Variants in HIRA observed in about 807,000 individuals in gnomAD.
HIRA encodes the protein protein HIRA.
Under a neutral mutation model 126.6 loss-of-function variants are expected in HIRA, and 13 were observed. The observed-to-expected ratio is 0.10, with a 90% CI of 0.07 to 0.16. HIRA has a LOEUF of 0.16. Among genes scored for constraint, HIRA ranks in the 10% least tolerant of loss-of-function variants. The pLI, the probability that HIRA is intolerant of heterozygous loss-of-function variation, is 1.00. For synonymous variants in HIRA, 511 were observed against 520.0 expected (o/e 0.98, Z 0.24); for missense variants, 834 against 1,314.4 (o/e 0.63, Z 5.65).
chr22:19,407,116 T>A, intron 4 of HIRA, 68 bp downstream of exon 4: 1 of 1,285,390 alleles, frequency 7.8e-7, no homozygotes, highest in Non-Finnish European at 1.1e-6. Flanking sequence ...TAGGGAAAGG[T>A]GACTTTGATA....
intron 1 of HIRA, among the ~76,000 whole-genome samples, chr22:19,412,778 C>T (rs2089364486): frequency 6.6e-6 from 1 of 152,190 alleles, no homozygotes. Flanking sequence ...CGCTTTAGAT[C>T]ATGCCCACTC....
chr22:19,349,775 C>T (rs150470451), intron 24 of HIRA, among the ~76,000 whole-genome samples: 1 of 152,322 alleles, frequency 6.6e-6, no homozygotes, highest in Non-Finnish European at 1.5e-5. Flanking sequence ...ACACCAAGGC[C>T]TGTGAGGGCT....
At chr22:19,364,839 A>G (rs1053989044) in intron 15 of HIRA, among the ~76,000 whole-genome samples, 1 of 152,224 alleles carries the variant, frequency 6.6e-6, no homozygotes, top group Admixed American at 6.5e-5. Flanking sequence ...AGGAAGGCAC[A>G]TTGAAAGCTG....
chr22:19,348,888 C>A (rs540487578), intron 24 of HIRA, among the ~76,000 whole-genome samples: 1 of 150,030 alleles, frequency 6.7e-6, no homozygotes, highest in South Asian at 2.1e-4. Flanking sequence ...TAGGTTCAAG[C>A]GATTCTCCTG....
chr22:19,353,305 A>T lies in HIRA; in HGVS notation c.2848+51T>A, dbSNP rs1556011402. The stretch of plus-strand genomic sequence containing the variant: ...TCACAGGGACTAAGTGAGGCCTGGG[A>T]GGATGGAGGGGCAGAAGGAGAAGGC... On this transcript the variant is annotated intron_variant, in intron 23 of 24. Coordinates refer to ENST00000263208, the MANE Select transcript of HIRA (RefSeq NM_003325.4). The T allele has an allele frequency of 1.9e-6, 3 of 1,603,320 alleles. No individual in the cohort carries two copies. In the African/African-American group the frequency reaches 4.0e-5, roughly 21 times the overall value.
chr22:19,387,618 T>C, intron 11 of HIRA, 93 bp downstream of exon 11: 1 of 796,140 alleles, frequency 1.3e-6, no homozygotes, highest in Non-Finnish European at 2.1e-6. Context: ...TGTCTGTGTA[T>C]CTCACAAGAA....
chr22:19,347,428 C>G (rs2088699254), intron 24 of HIRA, among the ~76,000 whole-genome samples: 1 of 152,144 alleles, frequency 6.6e-6, no homozygotes, highest in South Asian at 2.1e-4. Flanking sequence ...ATATCACAAG[C>G]CTTTCCTTCC....
intron 24 of HIRA, among the ~76,000 whole-genome samples, chr22:19,342,330 G>C (rs2088639322): frequency 6.6e-6 from 1 of 152,146 alleles, no homozygotes; most frequent in African/African-American, 2.4e-5. Context: ...TGGTGAAAAG[G>C]GAACACTTTT....
chr22:19,387,940 TTCTGTGGCCTGGTTCCC>T, intron 10 of HIRA, 124 bp from the exon 11 acceptor site: 4 of 135,378 alleles, frequency 3.0e-5, no homozygotes, highest in South Asian at 2.3e-4. Flanking sequence ...CCTGGTTCCC[TTCTGTGGCCTGGTTCCC>T]TTCTTTGGCC....
chr22:19,388,337 G>A (rs2089146441), intron 10 of HIRA, 147 bp downstream of exon 10: 5 of 611,286 alleles, frequency 8.2e-6, no homozygotes, highest in South Asian at 4.1e-5. Context: ...CCCAAATCAC[G>A]TGCAAACAGC....
chr22:19,383,566 A>G, intron 13 of HIRA, 54 bp downstream of exon 13: 1 of 1,409,714 alleles, frequency 7.1e-7, no homozygotes, highest in East Asian at 2.3e-5. Context: ...AACCGCTGAA[A>G]GAAGACAGGA....
chr22:19,425,463 C>T (rs1362976846), intron 1 of HIRA, among the ~76,000 whole-genome samples: 1 of 152,156 alleles, frequency 6.6e-6, no homozygotes. Context: ...CATCCTCTTC[C>T]TGGTCACCGA....
At chr22:19,412,438 G>C (rs2089361507) in intron 1 of HIRA, among the ~76,000 whole-genome samples, 1 of 152,116 alleles carries the variant, frequency 6.6e-6, no homozygotes, top group African/African-American at 2.4e-5. Context: ...CAAATTTAGG[G>C]GTTTGTCATA....
chr22:19,407,811 A>G (rs1275428245), intron 3 of HIRA, among the ~76,000 whole-genome samples: 1 of 152,216 alleles, frequency 6.6e-6, no homozygotes, highest in Non-Finnish European at 1.5e-5. Context: ...CTTATAAGCT[A>G]AGATCAGCAG....
chr22:19,348,212 A>G (rs2088709841), intron 24 of HIRA, among the ~76,000 whole-genome samples: 1 of 152,248 alleles, frequency 6.6e-6, no homozygotes, highest in African/African-American at 2.4e-5. Flanking sequence ...AGTGTTCTGT[A>G]GAAGAAGATA....
At chr22:19,369,908 G>A (rs1020320214) in intron 15 of HIRA, among the ~76,000 whole-genome samples, 2 of 152,256 alleles carry the variant, frequency 1.3e-5, no homozygotes, top group African/African-American at 2.4e-5. Context: ...CAGCCTGGGC[G>A]ACACAGCGAG....
In HIRA at chr22:19,431,700, T is replaced by C. The variant is rs994064176; in HGVS notation, c.-224A>G. 145 of 368,140 alleles carry C rather than the reference T, an allele frequency of 3.9e-4. No individual in the cohort carries two copies. The highest frequency in any genetic ancestry group is 6.1e-4 in the Non-Finnish European group (134 of 221,468). The allele number at this position is 368,140 out of a possible 1,614,324, so 22.8% of individuals were successfully genotyped here. A position where few individuals can be genotyped will look rare whatever the true frequency, so the allele number is the denominator to read the frequency against. On this transcript the variant is annotated 5_prime_UTR_variant, in exon 1 of 25. Transcript: ENST00000263208. ...CCGCCGCCACCACAGCCGCATCCCCTGCGCCGCTCCTCCTCAGGCGGCTCC... is the reference window on the plus strand; with the variant it reads ...CCGCCGCCACCACAGCCGCATCCCCCGCGCCGCTCCTCCTCAGGCGGCTCC...
intron 11 of HIRA, among the ~76,000 whole-genome samples, chr22:19,386,565 G>A (rs907929551): frequency 1.3e-5 from 2 of 152,220 alleles, no homozygotes; most frequent in Admixed American, 6.5e-5. Context: ...CTTGAATGTG[G>A]CCAGGAACCT....
At chr22:19,382,341 C>T (rs2089081501) in intron 13 of HIRA, among the ~76,000 whole-genome samples, 1 of 152,184 alleles carries the variant, frequency 6.6e-6, no homozygotes, top group African/African-American at 2.4e-5. Flanking sequence ...CTCCCCATCC[C>T]ACAGGCCCAG....
Sources: gnomAD v4.1 joint callset for allele counts (sites outside exome capture counted in the v4.1 genomes callset) on GRCh38, gnomAD v4.1.1 for gene constraint, MANE v1.5 for transcripts, NCBI Gene and HGNC (gene_info 2026-07-23, HGNC 2026-07-21) for gene names.